Variants in POC1B observed in about 807,000 individuals in gnomAD.
POC1B encodes the protein POC1 centriolar protein B.
In POC1B, 44 loss-of-function variants were observed where a neutral mutation model predicts 60.6. The ratio of observed to expected loss-of-function variants is 0.73; its 90% CI spans 0.57 to 0.93. The LOEUF is 0.93. POC1B is among the 40% of genes least tolerant of loss of function. The pLI is 0.00. For missense variants in POC1B, 555 were observed against 572.3 expected, an observed-to-expected ratio of 0.97 and a Z score of 0.31; for synonymous variants, 180 against 198.9, an observed-to-expected ratio of 0.90 and a Z score of 0.80.
At chr12:89,402,586 T>C in the POC1B span, among the ~76,000 whole-genome samples, 38 of 152,296 alleles carry the variant, frequency 2.5e-4, no homozygotes, top group African/African-American at 8.7e-4. Context: ...TAAGTTCTTA[T>C]CATTTAGCTC....
chr12:89,425,136 C>T (rs367776327), intron 11 of POC1B, 25 bp downstream of exon 11: 6 of 1,609,322 alleles, frequency 3.7e-6, no homozygotes, highest in South Asian at 1.1e-5. Flanking sequence ...CCAAGTGCAA[C>T]TCATGCAACC....
intron 4 of POC1B, among the ~76,000 whole-genome samples, chr12:89,476,905 G>A (rs905488934): frequency 1.1e-4 from 17 of 152,240 alleles, no homozygotes; most frequent in Admixed American, 3.3e-4. Flanking sequence ...TTCATGTCCC[G>A]TAAGACACAA....
chr12:89,471,558 G>A (rs1216511761), intron 6 of POC1B, 56 bp downstream of exon 6: 4 of 1,354,968 alleles, frequency 3.0e-6, no homozygotes, highest in East Asian at 2.3e-5. Flanking sequence ...AGGAGAATCA[G>A]TCCTTCCAAA....
chr12:89,525,096 A>G (rs1436861632), intron 2 of POC1B, 24 bp downstream of exon 2: 1 of 1,613,942 alleles, frequency 6.2e-7, no homozygotes, highest in Admixed American at 1.7e-5. Context: ...CTCATTACAA[A>G]AGCAAAACAA....
intron 2 of POC1B, chr12:89,523,741 A>G (rs2230281): frequency 0.72 from 1,111,940 of 1,543,748 alleles, 401,808 homozygotes; most frequent in Middle Eastern, 0.82. Flanking sequence ...GGGCTCCCCT[A>G]TCTGCATATA....
intron 2 of POC1B, among the ~76,000 whole-genome samples, chr12:89,507,723 CA>C (rs1297797078): frequency 6.6e-6 from 1 of 152,148 alleles, no homozygotes; most frequent in Non-Finnish European, 1.5e-5. Context: ...CAAAGAACAA[CA>C]AATGGAAAAC....
chr12:89,451,576 T>C (rs761291234), intron 10 of POC1B, among the ~76,000 whole-genome samples: 2 of 152,188 alleles, frequency 1.3e-5, no homozygotes, highest in South Asian at 2.1e-4. Flanking sequence ...AGCAAAGAAA[T>C]TGAAAGACAT....
rs143591958 is a variant in POC1B, at chr12:89,497,661, T to G, written c.101-319A>C. 3.0e-3 allele frequency among the ~76,000 whole-genome samples: 461 copies of G among 152,340 alleles called. 2 individuals are homozygous for G. Among genetic ancestry groups the G allele is most frequent in the Non-Finnish European group, 5.0e-3 (340 of 68,042 alleles). ...GGTACACGGGACTAAGAGTCAGTTT[T>G]GTTTCTAACTCTGGGTAATGGAAAG... is the stretch of plus-strand genomic sequence containing the variant. On this transcript the variant is annotated intron_variant, in intron 2 of 11. Coordinates refer to ENST00000313546, the MANE Select transcript of POC1B (RefSeq NM_172240.3).
chr12:89,412,171 G>T, the POC1B span, among the ~76,000 whole-genome samples: 1 of 152,108 alleles, frequency 6.6e-6, no homozygotes, highest in Admixed American at 6.6e-5. Context: ...CCACAACCTT[G>T]GACTGTTCCC....
chr12:89,478,300 G>A (rs1883196336), intron 4 of POC1B, among the ~76,000 whole-genome samples: 1 of 152,140 alleles, frequency 6.6e-6, no homozygotes, highest in South Asian at 2.1e-4. Flanking sequence ...TGTATTTTTA[G>A]TAGAGATGGG....
At chr12:89,479,708 G>C (rs992904526) in intron 4 of POC1B, among the ~76,000 whole-genome samples, 1 of 151,890 alleles carries the variant, frequency 6.6e-6, no homozygotes, top group Non-Finnish European at 1.5e-5. Flanking sequence ...ACTGGGCACC[G>C]AGATAGACAC....
intron 4 of POC1B, among the ~76,000 whole-genome samples, chr12:89,472,978 G>T (rs951634689): frequency 2.0e-5 from 3 of 151,914 alleles, no homozygotes; most frequent in African/African-American, 4.8e-5. Flanking sequence ...CCTTCCCAAG[G>T]TTCTTTTTTT....
chr12:89,419,161 C>T (rs1160462090), downstream of POC1B, among the ~76,000 whole-genome samples: 3 of 151,658 alleles, frequency 2.0e-5, no homozygotes, highest in Admixed American at 2.0e-4. Flanking sequence ...GGCTGGGGTG[C>T]AGAGTTAGAG....
At chr12:89,501,982 A>G in intron 2 of POC1B, 1 of 974,462 alleles carries the variant, frequency 1.0e-6, no homozygotes, top group Middle Eastern at 2.1e-4. Flanking sequence ...AGACTTGGCT[A>G]AGAGGAAAAA....
intron 3 of POC1B, among the ~76,000 whole-genome samples, chr12:89,493,441 C>G (rs757217896): frequency 6.6e-6 from 1 of 152,206 alleles, no homozygotes; most frequent in Non-Finnish European, 1.5e-5. Context: ...CTGGCTTACC[C>G]TTCCAGTGGT....
chr12:89,516,653 T>C (rs1592643269), intron 2 of POC1B, among the ~76,000 whole-genome samples: 1 of 152,164 alleles, frequency 6.6e-6, no homozygotes, highest in Non-Finnish European at 1.5e-5. Flanking sequence ...CTGTAACAAA[T>C]TACCATAAAC....
At chr12:89,522,844 T>C (rs1318225251) in intron 2 of POC1B, 3 of 1,594,418 alleles carry the variant, frequency 1.9e-6, no homozygotes, top group Non-Finnish European at 2.6e-6. Flanking sequence ...TTGATTTTTA[T>C]CTAGAGCATC....
intron 2 of POC1B, chr12:89,500,714 A>C: frequency 1.5e-6 from 2 of 1,322,260 alleles, no homozygotes; most frequent in Non-Finnish European, 2.1e-6. Context: ...AAAAAGATTA[A>C]ACTTTGAAGA....
intron 2 of POC1B, chr12:89,502,197 G>T: frequency 2.6e-6 from 3 of 1,152,166 alleles, no homozygotes; most frequent in South Asian, 2.6e-5. Context: ...TGTCTGGAAA[G>T]AATAATAATG....
Sources: gnomAD v4.1 joint callset for allele counts (sites outside exome capture counted in the v4.1 genomes callset) on GRCh38, gnomAD v4.1.1 for gene constraint, MANE v1.5 for transcripts, NCBI Gene and HGNC (gene_info 2026-07-23, HGNC 2026-07-21) for gene names.